The following THBS4 variants were observed in gnomAD, a reference collection of about 807,000 sequenced individuals.
THBS4 encodes the protein thrombospondin 4, also known as thrombospondin-4.
In THBS4, 90 loss-of-function variants were observed where a neutral mutation model predicts 115.7. The observed-to-expected ratio is 0.78, with a 90% CI of 0.66 to 0.93. The LOEUF is 0.93. THBS4 is among the 40% of genes least tolerant of loss of function. The probability of loss-of-function intolerance (pLI) is 0.00; values close to 1 mark genes in which losing one functional copy is unlikely to be tolerated. For synonymous variants in THBS4, 460 were observed against 479.3 expected (o/e 0.96, Z 0.53); for missense variants, 1,087 against 1,232.7 (o/e 0.88, Z 1.77).
intron 10 of THBS4, among the ~76,000 whole-genome samples, chr5:80,069,848 G>A (rs116827415): frequency 0.015 from 2,313 of 152,328 alleles, 34 homozygotes; most frequent in Middle Eastern, 0.024. Context: ...TGTGGCTGAG[G>A]AAGTCACTGG....
At chr5:80,012,112 CT>C (rs1448809874) in intron 2 of THBS4, among the ~76,000 whole-genome samples, 1 of 151,736 alleles carries the variant, frequency 6.6e-6, no homozygotes, top group Non-Finnish European at 1.5e-5. Context: ...ATGTGTACCC[CT>C]GAACCTAAAA....
Position 80,035,587 on chromosome 5 carries a change from A to G in THBS4, c.50A>G (p.Gln17Arg). ...GTCCTCCTGCTGCACCTGGTCCTGC[A>G]GCGGTGGCTAGCGGCAGGCGCCCAG... ...AAVLLLHLVL[Q>R]RWLAAGAQAT... Residue 17 changes from glutamine to arginine, a missense_variant, in exon 1 of 22, where the codon CAG (glutamine) becomes CGG (arginine). This residue lies in a region of THBS4 where 979 missense variants were observed against 1,103.7 expected (regional missense o/e 0.89). Transcript: ENST00000350881. This position sits in a 1 kb window ranked among gnomAD's most constrained non-coding sequence, Gnocchi z 4.6. 7.0e-7 allele frequency: 1 copy of G among 1,433,324 alleles called. No individual in the cohort carries two copies. The highest frequency in any genetic ancestry group is 9.2e-7 in the Non-Finnish European group (1 of 1,092,458). 88.8% of individuals were successfully genotyped at this position (1,433,324 alleles called of 1,614,324 possible).
rs900359473 is a variant in THBS4 at position 80,082,544 on chromosome 5, T to C, written c.2823T>C (p.Asn941=). Residue 941 remains asparagine (N), a splice_region_variant and synonymous_variant, in exon 21 of 22, where the codon AAT becomes AAC. Coordinates refer to ENST00000350881, the MANE Select transcript of THBS4 (RefSeq NM_003248.6). ...IIWSNLKYRC[N]DTIPEDFQEF... ...GGTCCAACCTCAAGTATCGCTGCAA[T>C]GGTAATGTGCATTCTCGTTACTGTT... 1 of 1,614,064 alleles carries C rather than the reference T, an allele frequency of 6.2e-7. No individual in the cohort carries two copies. The highest frequency in any genetic ancestry group is 1.3e-5 in the African/African-American group (1 of 74,924).
At chr5:79,997,556 A>G (rs1388992011) in intron 1 of THBS4, among the ~76,000 whole-genome samples, 1 of 76,038 alleles carries the variant, frequency 1.3e-5, no homozygotes, top group African/African-American at 7.2e-5. Flanking sequence ...CATAATTTTA[A>G]CTATAACATA....
chr5:80,057,510 A>C (rs1025503856), intron 3 of THBS4, among the ~76,000 whole-genome samples: 3 of 152,194 alleles, frequency 2.0e-5, no homozygotes, highest in Admixed American at 2.0e-4. Context: ...ATGTTGCCTA[A>C]ATCTTAGCTA....
intron 10 of THBS4, 44 bp from the exon 11 acceptor site, chr5:80,070,262 C>A: frequency 6.6e-7 from 1 of 1,504,362 alleles, no homozygotes; most frequent in Non-Finnish European, 8.9e-7. Context: ...CAGCTTCCTG[C>A]CAGGCTCAGC....
chr5:80,046,774 T>C (rs1833081277), intron 2 of THBS4, among the ~76,000 whole-genome samples: 1 of 152,220 alleles, frequency 6.6e-6, no homozygotes, highest in Non-Finnish European at 1.5e-5. Context: ...AGTCACTGTA[T>C]AGCAAATTAT....
chr5:80,063,658 G>A (rs1259533630), intron 8 of THBS4, among the ~76,000 whole-genome samples: 1 of 152,164 alleles, frequency 6.6e-6, no homozygotes, highest in Non-Finnish European at 1.5e-5. Flanking sequence ...AGACATATAG[G>A]AATGATAAGA....
chr5:80,068,493 G>A (rs1262831148), intron 10 of THBS4: 1 of 242,682 alleles, frequency 4.1e-6, no homozygotes, highest in African/African-American at 2.3e-5. Context: ...CCATCTACCT[G>A]CCTGTATAAT....
rs17885704 is a variant in THBS4 at position 80,068,110 on chromosome 5, G to A, written c.1332G>A (p.Gly444=). Residue 444 remains glycine (G), a synonymous_variant, in exon 10 of 22, where the codon GGG becomes GGA. Transcript: ENST00000350881. The part of the protein sequence containing the change: ...VNAQCIEERQ[G]DVTCVCGVGW... ...CCCAGTGCATTGAAGAGAGGCAGGGGGATGTGACATGTGTGGTAAGTTGTT... is the reference window on the plus strand; with the variant it reads ...CCCAGTGCATTGAAGAGAGGCAGGGAGATGTGACATGTGTGGTAAGTTGTT... 1,500 of 1,613,870 alleles carry A rather than the reference G, an allele frequency of 9.3e-4. 14 individuals carry two copies. The African/African-American group carries it at 0.018, about 19-fold the overall frequency.
chr5:80,014,926 C>G (rs1230328049), intron 2 of THBS4, among the ~76,000 whole-genome samples: 1 of 152,238 alleles, frequency 6.6e-6, no homozygotes, highest in South Asian at 2.1e-4. Context: ...AAGAGTAGCA[C>G]TCAATAACTG....
chr5:80,056,677 A>G (rs17878515), intron 3 of THBS4, among the ~76,000 whole-genome samples: 137 of 152,226 alleles, frequency 9.0e-4, no homozygotes, highest in African/African-American at 3.3e-3. Context: ...TTTTCTATAA[A>G]GAACTAGTAT....
chr5:80,070,846 T>C (rs1834020969), intron 12 of THBS4, 96 bp downstream of exon 12: 1 of 1,560,534 alleles, frequency 6.4e-7, no homozygotes. Context: ...TCATCCCAAA[T>C]GTTAGTTTCC....
chr5:80,076,821 CTG>C (rs1378220655), intron 15 of THBS4, 32 bp from the exon 16 acceptor site: 1 of 1,504,362 alleles, frequency 6.6e-7, no homozygotes, highest in Admixed American at 2.0e-5. Context: ...CCCTGCTGAA[CTG>C]TGAGCCACAT....
chr5:80,023,910 C>T (rs900384511), intron 2 of THBS4, among the ~76,000 whole-genome samples: 3 of 152,098 alleles, frequency 2.0e-5, no homozygotes, highest in African/African-American at 7.2e-5. Context: ...AACTCGCTCA[C>T]CTTTGTGGAA....
rs574820816 is a variant in THBS4 at position 80,059,315 on chromosome 5, C to G, written c.733-125C>G. On this transcript the variant is annotated intron_variant, in intron 5 of 21. Coordinates refer to ENST00000350881, the MANE Select transcript of THBS4 (RefSeq NM_003248.6). ...ACTGCACTCCAGCCTGGGCGACAGA[C>G]TGAGACTGTCTCAAAAAAAAAAAAA... The G allele has an allele frequency of 4.3e-5, 41 of 955,226 alleles. No individual in the cohort carries two copies. In the East Asian group the frequency reaches 1.1e-3, roughly 25 times the overall value. The allele number at this position is 955,226 out of a possible 1,614,324, so 59.2% of individuals were successfully genotyped here.
intron 2 of THBS4, among the ~76,000 whole-genome samples, chr5:80,050,681 G>T (rs558498044): frequency 4.1e-4 from 62 of 152,322 alleles, no homozygotes; most frequent in Middle Eastern, 3.4e-3. Context: ...AAGGCAGACT[G>T]GTCCCCAGGC....
At chr5:80,008,999 A>G (rs1832070783) in intron 2 of THBS4, among the ~76,000 whole-genome samples, 1 of 152,222 alleles carries the variant, frequency 6.6e-6, no homozygotes, top group Admixed American at 6.5e-5. Flanking sequence ...AGAAGCACCA[A>G]TGGAAATGGC....
intron 2 of THBS4, among the ~76,000 whole-genome samples, chr5:80,020,339 T>C (rs1025120347): frequency 6.6e-6 from 1 of 152,058 alleles, no homozygotes; most frequent in African/African-American, 2.4e-5. Flanking sequence ...CCAGGCGTGG[T>C]GGCAGGAGCC....
Sources: gnomAD v4.1 joint callset for allele counts (sites outside exome capture counted in the v4.1 genomes callset) on GRCh38, gnomAD v4.1.1 for gene constraint, gnomAD v4.1.1 regional missense constraint, Gnocchi (gnomAD v3.1) non-coding constraint, MANE v1.5 for transcripts, NCBI Gene and HGNC (gene_info 2026-07-23, HGNC 2026-07-21) for gene names.